ATP1B3: variants seen among roughly 807,000 people sequenced by gnomAD.
ATP1B3 encodes the protein sodium/potassium-transporting ATPase subunit beta-3.
In ATP1B3, 10 loss-of-function variants were observed where a neutral mutation model predicts 30.2. That is an observed-to-expected ratio of 0.33 (90% CI 0.20 to 0.56). The LOEUF (loss-of-function observed/expected upper bound fraction) is 0.56, where lower values mean the gene tolerates loss of function less well. Ranked by LOEUF, ATP1B3 falls within the 20% of genes least tolerant of loss-of-function variation. The pLI is 0.90. For synonymous variants in ATP1B3, 113 were observed against 117.0 expected, an observed-to-expected ratio of 0.97 and a Z score of 0.22; for missense variants, 238 against 336.7, an observed-to-expected ratio of 0.71 and a Z score of 2.29.
At chr3:141,909,275 C>T (rs1934315698) in intron 3 of ATP1B3, among the ~76,000 whole-genome samples, 1 of 152,204 alleles carries the variant, frequency 6.6e-6, no homozygotes, top group South Asian at 2.1e-4. Context: ...TCCCTTCCAG[C>T]AGAAGTCCTA....
chr3:141,924,540 A>G (rs2107781451), intron 6 of ATP1B3, among the ~76,000 whole-genome samples: 2 of 152,022 alleles, frequency 1.3e-5, no homozygotes, highest in Non-Finnish European at 2.9e-5. Flanking sequence ...CTCCAGCTAC[A>G]TGGGAGGCTG....
chr3:141,905,220 G>C (rs987963726), intron 2 of ATP1B3, among the ~76,000 whole-genome samples: 1 of 152,278 alleles, frequency 6.6e-6, no homozygotes, highest in South Asian at 2.1e-4. Flanking sequence ...GATTTAGAGG[G>C]CAGGAGAGTG....
chr3:141,892,737 C>CA (rs1933980164), intron 1 of ATP1B3, among the ~76,000 whole-genome samples: 1 of 144,444 alleles, frequency 6.9e-6, no homozygotes, highest in Admixed American at 7.0e-5. Context: ...AACACAGTGA[C>CA]AAAATCATTG....
chr3:141,914,402 A>ATTTAC (rs1934419444), intron 4 of ATP1B3, among the ~76,000 whole-genome samples: 1 of 152,188 alleles, frequency 6.6e-6, no homozygotes, highest in Non-Finnish European at 1.5e-5. Context: ...TGTTTTACAG[A>ATTTAC]AGGGTGCCTA....
At chr3:141,916,705 A>C in intron 5 of ATP1B3, 1 of 743,372 alleles carries the variant, frequency 1.3e-6, no homozygotes, top group South Asian at 1.7e-5. Flanking sequence ...AGTTGTGAAA[A>C]AAAATTCTTT....
At chr3:141,893,455 A>G (rs1933997302) in intron 1 of ATP1B3, among the ~76,000 whole-genome samples, 1 of 151,830 alleles carries the variant, frequency 6.6e-6, no homozygotes, top group African/African-American at 2.4e-5. Context: ...TGGAGTTCCT[A>G]TTAGATTTGT....
At chr3:141,882,374 AC>A (rs1933743801) in intron 1 of ATP1B3, among the ~76,000 whole-genome samples, 1 of 152,246 alleles carries the variant, frequency 6.6e-6, no homozygotes, top group African/African-American at 2.4e-5. Context: ...TTTAAAACAT[AC>A]CTAAATACCT....
At chr3:141,877,026 CCG>C in intron 1 of ATP1B3, 116 bp downstream of exon 1, 1 of 701,042 alleles carries the variant, frequency 1.4e-6, no homozygotes, top group Non-Finnish European at 2.1e-6. Context: ...TCCCGACCGC[CCG>C]ACCCTAACCC....
At chr3:141,884,695 C>T (rs796916574) in intron 1 of ATP1B3, among the ~76,000 whole-genome samples, 34 of 152,280 alleles carry the variant, frequency 2.2e-4, no homozygotes, top group African/African-American at 7.7e-4. Context: ...ATCTTTCTCC[C>T]GTGCTGGATG....
chr3:141,925,633 C>G lies in ATP1B3; in HGVS notation c.772C>G (p.Leu258Val), dbSNP rs778645755. 5.6e-6 allele frequency: 9 copies of G among 1,613,212 alleles called. No individual in the cohort carries two copies. Among genetic ancestry groups the G allele is most frequent in the Non-Finnish European group, 7.6e-6 (9 of 1,179,856 alleles). The change falls in exon 7 of 7, where the codon CTA becomes GTA. Residue 258 changes from leucine (L) to valine (V), a missense_variant. Transcript: ENST00000286371. ...GTGCAAGATTGATGGATCAGCCAACCTAAAAAGTCAGGATGATCGTGACAA... is the reference window on the plus strand; with the variant it reads ...GTGCAAGATTGATGGATCAGCCAACGTAAAAAGTCAGGATGATCGTGACAA... ...VECKIDGSAN[L>V]KSQDDRDKFL...
chr3:141,901,158 T>C (rs1934156254), intron 1 of ATP1B3, among the ~76,000 whole-genome samples: 1 of 152,214 alleles, frequency 6.6e-6, no homozygotes, highest in African/African-American at 2.4e-5. Context: ...GTTAGTAATA[T>C]GATAGGTACT....
At chr3:141,881,045 G>C (rs1352149706) in intron 1 of ATP1B3, among the ~76,000 whole-genome samples, 1 of 152,000 alleles carries the variant, frequency 6.6e-6, no homozygotes, top group Non-Finnish European at 1.5e-5. Flanking sequence ...TTTACTTAAA[G>C]TACAAAAATT....
intron 1 of ATP1B3, among the ~76,000 whole-genome samples, chr3:141,888,040 G>A (rs761078391): frequency 3.9e-5 from 6 of 152,208 alleles, no homozygotes; most frequent in Non-Finnish European, 8.8e-5. Flanking sequence ...GGAGATTTGT[G>A]TATTTCACTG....
At chr3:141,901,020 T>C (rs112447575) in intron 1 of ATP1B3, among the ~76,000 whole-genome samples, 16,382 of 152,252 alleles carry the variant, frequency 0.11, 1,085 homozygotes, top group Middle Eastern at 0.16. Context: ...TGACCTCAGG[T>C]GATCTGCCCG....
intron 5 of ATP1B3, chr3:141,921,479 CT>C (rs1934563511): frequency 6.6e-6 from 1 of 152,136 alleles, no homozygotes; most frequent in South Asian, 2.1e-4. Context: ...GGTTGCAGTT[CT>C]GGTTATTAAT....
At chr3:141,905,128 C>G (rs1934240377) in intron 2 of ATP1B3, among the ~76,000 whole-genome samples, 1 of 152,062 alleles carries the variant, frequency 6.6e-6, no homozygotes. Context: ...TGTATAATTC[C>G]AAAGACTGTA....
intron 1 of ATP1B3, 141 bp downstream of exon 1, chr3:141,877,051 C>A: frequency 2.0e-6 from 1 of 495,230 alleles, no homozygotes; most frequent in South Asian, 4.4e-5. Context: ...GCGGCGGCGG[C>A]GCAGTGCGGC....
intron 6 of ATP1B3, 112 bp downstream of exon 6, chr3:141,922,175 T>C (rs1033703710): frequency 1.5e-5 from 9 of 609,406 alleles, no homozygotes; most frequent in Non-Finnish European, 2.3e-5. Flanking sequence ...AATTTGTGCG[T>C]CATCTATTCA....
intron 1 of ATP1B3, among the ~76,000 whole-genome samples, chr3:141,899,044 A>G (rs907662100): frequency 1.3e-5 from 2 of 152,296 alleles, no homozygotes; most frequent in African/African-American, 4.8e-5. Flanking sequence ...TATAGAGACA[A>G]AGTAGACTAG....
Sources: allele counts gnomAD v4.1 joint callset (sites outside exome capture counted in the v4.1 genomes callset), GRCh38; gene constraint gnomAD v4.1.1; transcripts MANE v1.5; gene names NCBI Gene and HGNC (gene_info 2026-07-23, HGNC 2026-07-21).